The following G3BP2 variants were observed in gnomAD, a reference collection of about 807,000 sequenced individuals.
G3BP2 encodes ras GTPase-activating protein-binding protein 2.
G3BP2 carries 11 observed loss-of-function variants against 56.7 expected under a neutral mutation model. That is an observed-to-expected ratio of 0.19 (90% CI 0.12 to 0.32). The LOEUF is 0.32. G3BP2 is among the 10% of genes least tolerant of loss of function. The probability of loss-of-function intolerance (pLI) is 1.00; values close to 1 mark genes in which losing one functional copy is unlikely to be tolerated. For synonymous variants in G3BP2, 165 were observed against 191.6 expected (o/e 0.86, Z 1.15); for missense variants, 340 against 610.9 (o/e 0.56, Z 4.67).
At chr4:75,685,878 T>A (rs1433531613) in intron 3 of G3BP2, among the ~76,000 whole-genome samples, 1 of 152,100 alleles carries the variant, frequency 6.6e-6, no homozygotes, top group Non-Finnish European at 1.5e-5. Flanking sequence ...GTAACTATCA[T>A]AAACAAGGAA....
chr4:75,706,665 G>A (rs1176949144), intron 3 of G3BP2, among the ~76,000 whole-genome samples: 15 of 119,884 alleles, frequency 1.3e-4, no homozygotes, highest in East Asian at 2.6e-4. Flanking sequence ...CAACAAGAGC[G>A]AAACTCTATC....
At chr4:75,707,453 C>A (rs1719593257) in intron 3 of G3BP2, among the ~76,000 whole-genome samples, 1 of 151,596 alleles carries the variant, frequency 6.6e-6, no homozygotes, top group African/African-American at 2.4e-5. Context: ...ACTAAAAATA[C>A]AAAAAATTAG....
At position 75,667,570 on chromosome 4, in the gene G3BP2, C is replaced by G. The variant is rs563752367; in HGVS notation, c.-24-5521G>C. The stretch of plus-strand genomic sequence containing the variant: ...TACACAGTCAAAGCTCTCTCATGAA[C>G]AAATCCGTCTTTTACTTGTCAAATG... On this transcript the variant is annotated intron_variant, in intron 1 of 11. Coordinates refer to ENST00000359707, the MANE Select transcript of G3BP2 (RefSeq NM_203505.3). 1.1e-3 allele frequency among the ~76,000 whole-genome samples: 174 copies of G among 152,252 alleles called. 1 individual carries two copies. The highest frequency in any genetic ancestry group is 1.9e-3 in the Non-Finnish European group (128 of 68,028).
upstream of G3BP2, chr4:75,673,416 G>GC: frequency 8.1e-7 from 1 of 1,232,062 alleles, no homozygotes; most frequent in Non-Finnish European, 1.0e-6. Flanking sequence ...CGGACGTCCC[G>GC]CCCCCTTTGC....
At chr4:75,707,169 C>T (rs1719578429) in intron 3 of G3BP2, among the ~76,000 whole-genome samples, 1 of 125,356 alleles carries the variant, frequency 8.0e-6, no homozygotes, top group Admixed American at 8.6e-5. Context: ...GGCGAAACTC[C>T]GTCTTGAAAA....
At chr4:75,660,484 A>AGGTT (rs1197382610) in intron 2 of G3BP2, among the ~76,000 whole-genome samples, 1 of 152,188 alleles carries the variant, frequency 6.6e-6, no homozygotes, top group East Asian at 1.9e-4. Flanking sequence ...ATCCTAGATG[A>AGGTT]ATTACTAACC....
chr4:75,693,475 G>A (rs1483362902), intron 3 of G3BP2, among the ~76,000 whole-genome samples: 1 of 150,766 alleles, frequency 6.6e-6, no homozygotes, highest in Non-Finnish European at 1.5e-5. Flanking sequence ...AGGTATCTGA[G>A]TTTTTTTTGT....
chr4:75,653,161 C>T (rs774383124), intron 8 of G3BP2, among the ~76,000 whole-genome samples: 1 of 151,516 alleles, frequency 6.6e-6, no homozygotes, highest in African/African-American at 2.4e-5. Context: ...TTATGTGTCC[C>T]AACACCAAAA....
upstream of G3BP2, among the ~76,000 whole-genome samples, chr4:75,674,233 G>A (rs1356501075): frequency 6.6e-6 from 1 of 152,116 alleles, no homozygotes; most frequent in Non-Finnish European, 1.5e-5. Flanking sequence ...AGAGAATACC[G>A]AGATAGCACA....
intron 1 of G3BP2, among the ~76,000 whole-genome samples, chr4:75,668,248 T>C (rs187710748): frequency 6.6e-6 from 1 of 152,332 alleles, no homozygotes; most frequent in African/African-American, 2.4e-5. Context: ...AACTTATATT[T>C]CCTCAGTTTC....
At chr4:75,647,198 C>T in intron 9 of G3BP2, 41 bp from the exon 10 acceptor site, 7 of 1,337,342 alleles carry the variant, frequency 5.2e-6, no homozygotes, top group Non-Finnish European at 7.2e-6. Context: ...TTTACAATAT[C>T]ATAAAAACTA....
intron 1 of G3BP2, chr4:75,672,958 C>A: frequency 1.0e-6 from 1 of 975,376 alleles, no homozygotes; most frequent in African/African-American, 1.8e-5. Context: ...GCACTCGGAG[C>A]CCTCTGCCCG....
chr4:75,642,843 C>T lies in G3BP2; in HGVS notation c.*2587G>A, dbSNP rs1388028997. On this transcript the variant is annotated 3_prime_UTR_variant, in exon 12 of 12. Coordinates refer to ENST00000359707, the MANE Select transcript of G3BP2 (RefSeq NM_203505.3). ...AGTCCAAACACATTCAATATGGAAA[C>T]TCAAAGAATACTTTCCACCTGAAAC... The T allele has an allele frequency of 6.6e-6, 1 of 152,460 alleles. No homozygotes were observed. The highest frequency in any genetic ancestry group is 1.5e-5 in the Non-Finnish European group (1 of 67,988). The allele number at this position is 152,460 out of a possible 1,614,324, so 9.4% of individuals were successfully genotyped here. A position where few individuals can be genotyped will look rare whatever the true frequency, so the allele number is the denominator to read the frequency against.
At chr4:75,656,812 GAC>G in intron 5 of G3BP2, 110 bp downstream of exon 5, 1 of 662,834 alleles carries the variant, frequency 1.5e-6, no homozygotes. Context: ...AAGGATGTTT[GAC>G]ACAGTTACAA....
chr4:75,678,339 T>TAC (rs1733955566), upstream of G3BP2, among the ~76,000 whole-genome samples: 1 of 136,598 alleles, frequency 7.3e-6, no homozygotes, highest in African/African-American at 2.8e-5. Context: ...TGTGTGTGTG[T>TAC]GTACACAGGG....
At chr4:75,651,578 CAT>C (rs1007653504) in intron 8 of G3BP2, among the ~76,000 whole-genome samples, 2 of 152,296 alleles carry the variant, frequency 1.3e-5, no homozygotes, top group South Asian at 2.1e-4. Context: ...AACTGATTGA[CAT>C]ATGTTAACTA....
At chr4:75,666,314 A>T (rs1350670185) in intron 1 of G3BP2, among the ~76,000 whole-genome samples, 2 of 152,242 alleles carry the variant, frequency 1.3e-5, no homozygotes, top group Non-Finnish European at 2.9e-5. Context: ...TTGAAAAGTT[A>T]ACTTCAAATG....
chr4:75,710,702 T>C (rs1397961881), intron 3 of G3BP2, among the ~76,000 whole-genome samples: 5 of 152,056 alleles, frequency 3.3e-5, no homozygotes, highest in Admixed American at 6.5e-5. Flanking sequence ...GGTCTCACTT[T>C]GTTGCCCAGG....
chr4:75,679,737 A>T (rs1361712249), intron 3 of G3BP2, among the ~76,000 whole-genome samples: 3 of 152,214 alleles, frequency 2.0e-5, no homozygotes, highest in African/African-American at 7.2e-5. Context: ...CATACAAAGA[A>T]TCAGATTATC....
Sources: gnomAD v4.1 joint callset for allele counts (sites outside exome capture counted in the v4.1 genomes callset) on GRCh38, gnomAD v4.1.1 for gene constraint, MANE v1.5 for transcripts, NCBI Gene and HGNC (gene_info 2026-07-23, HGNC 2026-07-21) for gene names.